Variants in CRADD observed in about 807,000 individuals in gnomAD.
CRADD encodes the protein CARD and death domain containing adaptor protein, also known as death domain-containing protein CRADD.
Under a neutral mutation model 15.5 loss-of-function variants are expected in CRADD, and 9 were observed. The observed-to-expected ratio is 0.58, with a 90% CI of 0.35 to 1.01. The LOEUF is 1.01. Among genes scored for constraint, CRADD ranks in the 50% least tolerant of loss-of-function variants. The probability of loss-of-function intolerance (pLI) is 0.02; values close to 1 mark genes in which losing one functional copy is unlikely to be tolerated. For synonymous variants in CRADD, 118 were observed against 107.6 expected (o/e 1.10, Z -0.60); for missense variants, 227 against 250.3 (o/e 0.91, Z 0.63).
chr12:93,889,065 G>A (rs1000435442), intron 2 of CRADD, among the ~76,000 whole-genome samples: 1 of 152,144 alleles, frequency 6.6e-6, no homozygotes, highest in South Asian at 2.1e-4. Context: ...GTGGAATTGG[G>A]AGTCATCGGC....
chr12:93,752,241 A>C (rs757885279), intron 2 of CRADD, among the ~76,000 whole-genome samples: 26 of 152,170 alleles, frequency 1.7e-4, no homozygotes, highest in Admixed American at 7.9e-4. Context: ...AGCATAAAGG[A>C]CTGGAGATGC....
At chr12:93,820,811 T>A (rs577082066) in intron 2 of CRADD, among the ~76,000 whole-genome samples, 5 of 152,338 alleles carry the variant, frequency 3.3e-5, no homozygotes, top group African/African-American at 1.2e-4. Flanking sequence ...CAGTCCCTCT[T>A]GGTTTCCCGT....
chr12:93,760,145 A>G (rs553981918), intron 2 of CRADD, among the ~76,000 whole-genome samples: 22 of 152,306 alleles, frequency 1.4e-4, no homozygotes, highest in African/African-American at 4.3e-4. Context: ...AGTAAAGAGG[A>G]TAGAGAAAAA....
At chr12:93,776,563 T>G (rs1381273611) in intron 2 of CRADD, among the ~76,000 whole-genome samples, 4 of 152,256 alleles carry the variant, frequency 2.6e-5, no homozygotes, top group Non-Finnish European at 2.9e-5. Flanking sequence ...GAGTGGGTAC[T>G]AAAAGTAAGT....
intron 2 of CRADD, among the ~76,000 whole-genome samples, chr12:93,867,551 T>G (rs1161888653): frequency 6.6e-6 from 1 of 151,994 alleles, no homozygotes; most frequent in African/African-American, 2.4e-5. Flanking sequence ...TTAGAATATT[T>G]CTTACTGACA....
chr12:93,730,705 G>C (rs868238539), intron 2 of CRADD, among the ~76,000 whole-genome samples: 1 of 150,692 alleles, frequency 6.6e-6, no homozygotes, highest in Non-Finnish European at 1.5e-5. Context: ...TTTAAACATT[G>C]ACCTTCATTT....
At chr12:93,826,803 G>A (rs548098995) in intron 2 of CRADD, 1 of 152,314 alleles carries the variant, frequency 6.6e-6, no homozygotes, top group East Asian at 1.9e-4. Flanking sequence ...AGACCTCAGC[G>A]AGCTCACTGT....
At position 93,701,464 on chromosome 12, in the gene CRADD, C is replaced by T. The variant is rs559463904; in HGVS notation, c.298+22392C>T. On this transcript the variant is annotated intron_variant, in intron 2 of 2. Transcript: ENST00000332896. ...CCACTCTCAAGATTCCCTCATGGTC[C>T]TAACTGGCTGCTGGAGCCCCAGGCC... Among the ~76,000 whole-genome samples, 5 of 152,332 alleles carry T rather than the reference C, an allele frequency of 3.3e-5. No homozygotes were observed. In the South Asian group the frequency reaches 8.3e-4, roughly 25 times the overall value.
At chr12:93,735,284 C>T (rs1018965261) in intron 2 of CRADD, among the ~76,000 whole-genome samples, 2 of 152,116 alleles carry the variant, frequency 1.3e-5, no homozygotes, top group Non-Finnish European at 2.9e-5. Context: ...GGGCAGGTTT[C>T]TTGTGTTTTA....
At chr12:93,796,867 C>A (rs1439511112) in intron 2 of CRADD, among the ~76,000 whole-genome samples, 1 of 152,046 alleles carries the variant, frequency 6.6e-6, no homozygotes, top group Non-Finnish European at 1.5e-5. Context: ...TCTCTTCTGC[C>A]CTTGTCAGTG....
intron 2 of CRADD, among the ~76,000 whole-genome samples, chr12:93,779,809 G>A (rs1232114213): frequency 2.0e-5 from 3 of 151,994 alleles, no homozygotes; most frequent in East Asian, 1.9e-4. Flanking sequence ...GGCTGGTCTC[G>A]AACTCCTGAC....
In CRADD at chr12:93,767,129, A is replaced by G. The variant is rs185906430; in HGVS notation, c.299-82841A>G. On this transcript the variant is annotated intron_variant, in intron 2 of 2. Coordinates refer to ENST00000332896, the MANE Select transcript of CRADD (RefSeq NM_003805.5). ...TTCTAAAATAATAAATCTCACATTC[A>G]CAAAGGATCTGGTTTCTGCATGTTT... Among the ~76,000 whole-genome samples, 58 of 152,332 alleles carry G rather than the reference A, an allele frequency of 3.8e-4. 1 individual carries two copies. In the East Asian group the frequency reaches 8.5e-3, roughly 22 times the overall value.
rs186568387 is a variant in CRADD, at chr12:93,831,478, C to A, written c.299-18492C>A. 1.3e-3 allele frequency: 203 copies of A among 152,304 alleles called. 1 individual carries two copies. Among genetic ancestry groups the A allele is most frequent in the African/African-American group, 4.3e-3 (178 of 41,564 alleles). The allele number at this position is 152,304 out of a possible 1,614,324, so 9.4% of individuals were successfully genotyped here. Reference sequence around the variant, plus strand: ...CAATTTCAAAGCCAAATGGGATTCCCATCTGTGAATCTGCATGGCAGCACC... The same window carrying A: ...CAATTTCAAAGCCAAATGGGATTCCAATCTGTGAATCTGCATGGCAGCACC... On this transcript the variant is annotated intron_variant, in intron 2 of 2. Transcript: ENST00000332896.
At chr12:93,788,743 T>A (rs1397585379) in intron 2 of CRADD, among the ~76,000 whole-genome samples, 2 of 152,120 alleles carry the variant, frequency 1.3e-5, no homozygotes, top group Non-Finnish European at 2.9e-5. Flanking sequence ...CAGCTCTGCC[T>A]CTCTTTAGCA....
rs557343769 is a variant in CRADD at position 93,821,409 on chromosome 12, T to C, written c.299-28561T>C. Among the ~76,000 whole-genome samples, 7 of 152,320 alleles carry C rather than the reference T, an allele frequency of 4.6e-5. No individual in the cohort carries two copies. In the South Asian group the frequency reaches 1.2e-3, roughly 27 times the overall value. ...AGCTGGCACATCGGTCTCTAGGTCA[T>C]GTACTGGATCATGAAACATCTGATG... On this transcript the variant is annotated intron_variant, in intron 2 of 2. Transcript: ENST00000332896.
chr12:93,884,946 T>C (rs919524523), intron 2 of CRADD, among the ~76,000 whole-genome samples: 14 of 152,276 alleles, frequency 9.2e-5, no homozygotes, highest in African/African-American at 3.4e-4. Flanking sequence ...GTCTACTAAC[T>C]ACAAGTTGCT....
At chr12:93,791,569 T>C (rs1440243685) in intron 2 of CRADD, among the ~76,000 whole-genome samples, 4 of 152,056 alleles carry the variant, frequency 2.6e-5, no homozygotes, top group Non-Finnish European at 4.4e-5. Flanking sequence ...ATGTACAAAA[T>C]CTCAGAGAGG....
intron 2 of CRADD, chr12:93,859,441 A>G: frequency 2.2e-6 from 1 of 446,456 alleles, no homozygotes; most frequent in Non-Finnish European, 4.5e-6. Context: ...GGGAATTGGA[A>G]GGTGAGGTCC....
At chr12:93,761,451 G>A (rs1204632480) in intron 2 of CRADD, among the ~76,000 whole-genome samples, 5 of 152,118 alleles carry the variant, frequency 3.3e-5, no homozygotes, top group African/African-American at 1.2e-4. Flanking sequence ...CAGGAAGTGA[G>A]GAATGAGATT....
Sources: allele counts gnomAD v4.1 joint callset (sites outside exome capture counted in the v4.1 genomes callset), GRCh38; gene constraint gnomAD v4.1.1; transcripts MANE v1.5; gene names NCBI Gene and HGNC (gene_info 2026-07-23, HGNC 2026-07-21).